LRBA: variants seen among roughly 807,000 people sequenced by gnomAD.
The protein encoded by LRBA is lipopolysaccharide-responsive and beige-like anchor protein.
LRBA carries 176 observed loss-of-function variants against 330.0 expected under a neutral mutation model. That is an observed-to-expected ratio of 0.53 (90% CI 0.47 to 0.60). The LOEUF is 0.60. Among genes scored for constraint, LRBA ranks in the 20% least tolerant of loss-of-function variants. The probability of loss-of-function intolerance (pLI) is 0.00; values close to 1 mark genes in which losing one functional copy is unlikely to be tolerated. For missense variants in LRBA, 3,259 were observed against 3,444.8 expected (o/e 0.95, Z 1.35); for synonymous variants, 1,230 against 1,193.0 (o/e 1.03, Z -0.64).
At chr4:150,531,921 G>A (rs188724278) in intron 40 of LRBA, among the ~76,000 whole-genome samples, 5 of 152,212 alleles carry the variant, frequency 3.3e-5, no homozygotes, top group East Asian at 1.9e-4. Context: ...TCTACCATGC[G>A]TATCATTTAA....
chr4:150,966,850 T>C (rs984469762), intron 2 of LRBA, among the ~76,000 whole-genome samples: 7 of 152,276 alleles, frequency 4.6e-5, no homozygotes, highest in South Asian at 2.1e-4. Flanking sequence ...GTTCAAAAAA[T>C]AGGGCTGAAA....
At chr4:150,971,385 CCA>C (rs1739568263) in intron 2 of LRBA, among the ~76,000 whole-genome samples, 1 of 152,116 alleles carries the variant, frequency 6.6e-6, no homozygotes, top group Non-Finnish European at 1.5e-5. Flanking sequence ...ATCATGTAAG[CCA>C]GCCCAGTCAA....
intron 35 of LRBA, among the ~76,000 whole-genome samples, chr4:150,742,059 G>C (rs1338326198): frequency 6.6e-6 from 1 of 151,656 alleles, no homozygotes; most frequent in Non-Finnish European, 1.5e-5. Context: ...GATATGTATA[G>C]GTCTTCTAAA....
intron 40 of LRBA, among the ~76,000 whole-genome samples, chr4:150,551,902 T>A (rs1284634198): frequency 6.6e-6 from 1 of 152,200 alleles, no homozygotes; most frequent in African/African-American, 2.4e-5. Context: ...CTCAATCATT[T>A]TGGCACCAGA....
chr4:150,292,129 T>C (rs1294363092), intron 53 of LRBA, among the ~76,000 whole-genome samples: 1 of 152,226 alleles, frequency 6.6e-6, no homozygotes, highest in Non-Finnish European at 1.5e-5. Flanking sequence ...ACATTAAGTA[T>C]ATTTATCAAA....
At chr4:150,919,264 G>A (rs1287954091) in intron 5 of LRBA, among the ~76,000 whole-genome samples, 1 of 152,106 alleles carries the variant, frequency 6.6e-6, no homozygotes, top group East Asian at 1.9e-4. Context: ...TGATGAGAAT[G>A]TCCCAAAATT....
rs1248595664 is a variant in LRBA, at chr4:150,310,338, G to A, written c.7740C>T (p.Asp2580=). 7.4e-6 allele frequency: 12 copies of A among 1,613,064 alleles called. No individual in the cohort carries two copies. Among genetic ancestry groups the A allele is most frequent in the Non-Finnish European group, 7.6e-6 (9 of 1,179,386 alleles). The part of the protein sequence containing the change: ...MHRRQITDLL[D]QSIQVHSQCF... The stretch of plus-strand genomic sequence containing the variant: ...ACTGGGAATGCACTTGAATACTTTG[G>A]TCTAAAAGGTCAGTGATTTGCCTCC... The change falls in exon 52 of 57, where the codon GAC becomes GAT. Residue 2580 remains aspartate, a synonymous_variant. Transcript: ENST00000651943.
intron 47 of LRBA, among the ~76,000 whole-genome samples, chr4:150,352,695 C>A (rs1045852425): frequency 6.6e-6 from 1 of 152,100 alleles, no homozygotes; most frequent in Non-Finnish European, 1.5e-5. Flanking sequence ...ACTACTAATG[C>A]AAGTTACACA....
chr4:150,487,795 T>A lies in LRBA; in HGVS notation c.6488A>T (p.Lys2163Met). ...MFNFPDPATV[K>M]KVVNYLPRVG... Reference sequence around the variant, plus strand: ...ACGAGGTAGATAGTTAACCACTTTCTTTACTGTTGCAGGGTCTGGGAAGTT... The same window carrying A: ...ACGAGGTAGATAGTTAACCACTTTCATTACTGTTGCAGGGTCTGGGAAGTT... The change falls in exon 42 of 57, where the codon AAG (lysine) becomes ATG (methionine). Residue 2163 changes from lysine to methionine, a missense_variant. Coordinates refer to ENST00000651943, the MANE Select transcript of LRBA (RefSeq NM_001364905.1). 2 of 1,597,562 alleles carry A rather than the reference T, an allele frequency of 1.3e-6. No individual in the cohort carries two copies. The highest frequency in any genetic ancestry group is 1.3e-5 in the African/African-American group (1 of 74,766).
intron 30 of LRBA, among the ~76,000 whole-genome samples, chr4:150,823,721 C>G (rs1388777797): frequency 6.6e-6 from 1 of 151,962 alleles, no homozygotes; most frequent in Non-Finnish European, 1.5e-5. Context: ...TGTCCTTTCC[C>G]CATTGCATGT....
At chr4:150,355,867 T>C (rs1466455661) in intron 47 of LRBA, among the ~76,000 whole-genome samples, 2 of 152,106 alleles carry the variant, frequency 1.3e-5, no homozygotes, top group Non-Finnish European at 2.9e-5. Context: ...AAGGCGGTAA[T>C]ATACAAAGTT....
At chr4:150,827,890 C>T (rs1746502709) in intron 30 of LRBA, among the ~76,000 whole-genome samples, 1 of 152,168 alleles carries the variant, frequency 6.6e-6, no homozygotes, top group African/African-American at 2.4e-5. Flanking sequence ...ATGTGAGCCA[C>T]TGCACCTGGC....
intron 36 of LRBA, among the ~76,000 whole-genome samples, chr4:150,728,593 A>T (rs911641178): frequency 2.6e-5 from 4 of 152,132 alleles, no homozygotes; most frequent in African/African-American, 7.2e-5. Flanking sequence ...AATGAAGGAT[A>T]AAAAAATGAT....
chr4:150,457,809 C>T (rs1289007996), intron 44 of LRBA, among the ~76,000 whole-genome samples: 1 of 151,778 alleles, frequency 6.6e-6, no homozygotes. Flanking sequence ...ACACCCAGCA[C>T]CAAACAAATA....
chr4:150,411,491 G>A (rs140588483), intron 47 of LRBA, among the ~76,000 whole-genome samples: 4 of 152,192 alleles, frequency 2.6e-5, no homozygotes, highest in East Asian at 3.9e-4. Context: ...GCTACCAACC[G>A]AGTATTGTAT....
chr4:150,697,211 G>GCTA (rs1486397387), intron 36 of LRBA, among the ~76,000 whole-genome samples: 1 of 149,380 alleles, frequency 6.7e-6, no homozygotes, highest in Non-Finnish European at 1.5e-5. Context: ...TGTAATCCCA[G>GCTA]CTACTCAGAA....
Position 150,436,817 on chromosome 4 carries a change from A to G in LRBA, c.6828T>C (p.Arg2276=). The change falls in exon 45 of 57, where the codon CGT becomes CGC. Residue 2276 remains arginine (R), a synonymous_variant. Coordinates refer to ENST00000651943, the MANE Select transcript of LRBA (RefSeq NM_001364905.1). ...CTTGATCATCTTCCCATGATTCATAACGCTCAGCGAAGAATGCTGCTCTTT... is the reference window on the plus strand; with the variant it reads ...CTTGATCATCTTCCCATGATTCATAGCGCTCAGCGAAGAATGCTGCTCTTT... ...NPKRAAFFAE[R]YESWEDDQVP... 6.2e-7 allele frequency: 1 copy of G among 1,613,836 alleles called. No homozygotes were observed. Among genetic ancestry groups the G allele is most frequent in the Non-Finnish European group, 8.5e-7 (1 of 1,179,864 alleles).
chr4:150,985,713 T>G (rs1009103801), intron 2 of LRBA, among the ~76,000 whole-genome samples: 1 of 152,088 alleles, frequency 6.6e-6, no homozygotes, highest in Non-Finnish European at 1.5e-5. Flanking sequence ...TTAGCCAGGA[T>G]AGTCTTGATC....
chr4:150,474,726 A>C (rs1030790441), intron 42 of LRBA, among the ~76,000 whole-genome samples: 2 of 152,132 alleles, frequency 1.3e-5, no homozygotes, highest in African/African-American at 4.8e-5. Context: ...AAAGAGGGCT[A>C]CTTTCTTTCT....
Sources: gnomAD v4.1 joint callset for allele counts (sites outside exome capture counted in the v4.1 genomes callset) on GRCh38, gnomAD v4.1.1 for gene constraint, MANE v1.5 for transcripts, NCBI Gene and HGNC (gene_info 2026-07-23, HGNC 2026-07-21) for gene names.